The following SYT6 variants were observed in gnomAD, a reference collection of about 807,000 sequenced individuals.
SYT6 encodes the protein synaptotagmin-6.
In SYT6, 24 loss-of-function variants were observed where a neutral mutation model predicts 38.4. That is an observed-to-expected ratio of 0.62 (90% CI 0.45 to 0.88). The LOEUF is 0.88. Ranked by LOEUF, SYT6 falls within the 40% of genes least tolerant of loss-of-function variation. SYT6 has a pLI of 0.00. For synonymous variants in SYT6, 265 were observed against 241.9 expected (o/e 1.10, Z -0.89); for missense variants, 611 against 621.0 (o/e 0.98, Z 0.17).
intron 3 of SYT6, among the ~76,000 whole-genome samples, chr1:114,115,562 G>A (rs1397905592): frequency 6.6e-6 from 1 of 151,908 alleles, no homozygotes; most frequent in African/African-American, 2.4e-5. Flanking sequence ...GATTACAGGT[G>A]CATGCCACCA....
Position 114,137,723 on chromosome 1 carries a change from C to A in SYT6, c.843G>T (p.Leu281=). ...GGGTCTTGCGGTGCACCCGGGTCTG[C>A]AGCTTGCATTTGCGGTCAGGCAGGA... ...IYLLPDRKCK[L]QTRVHRKTLN... Residue 281 remains leucine, a synonymous_variant, in exon 3 of 8, where the codon CTG becomes CTT. Transcript: ENST00000610222. 6.2e-7 allele frequency: 1 copy of A among 1,613,920 alleles called. No homozygotes were observed. Among genetic ancestry groups the A allele is most frequent in the South Asian group, 1.1e-5 (1 of 91,066 alleles).
Position 114,103,601 on chromosome 1 carries a change from C to T in SYT6, c.1192G>A (p.Asp398Asn). 1.2e-6 allele frequency: 2 copies of T among 1,614,156 alleles called. No homozygotes were observed. The highest frequency in any genetic ancestry group is 1.7e-6 in the Non-Finnish European group (2 of 1,180,004). Residue 398 changes from aspartate (D) to asparagine (N), a missense_variant and splice_region_variant, in exon 4 of 8, where the codon GAT (aspartate) becomes AAT (asparagine). Physicochemically the swap from Asp to Asn is conservative, Grantham distance 23. Transcript: ENST00000610222. ...AGGCCACTTGGGTTAAGAGAGGTAC[C>T]TGAATAGCCTGTGATGTCCATCGCC... is the stretch of plus-strand genomic sequence containing the variant. ...LKAMDITGYSDPYVKVSLLCD... is the reference protein window; with the variant it reads ...LKAMDITGYSNPYVKVSLLCD...
intron 3 of SYT6, among the ~76,000 whole-genome samples, chr1:114,116,100 G>T (rs1207315258): frequency 6.6e-6 from 1 of 152,212 alleles, no homozygotes; most frequent in Non-Finnish European, 1.5e-5. Flanking sequence ...TCTCTTGAAA[G>T]AAGATGAATG....
intron 3 of SYT6, among the ~76,000 whole-genome samples, chr1:114,113,798 C>G (rs1407744511): frequency 6.6e-6 from 1 of 152,206 alleles, no homozygotes; most frequent in East Asian, 1.9e-4. Context: ...ATTCTCCACA[C>G]AGCAGCCAGA....
intron 1 of SYT6, among the ~76,000 whole-genome samples, chr1:114,147,726 C>A (rs967877940): frequency 3.3e-5 from 5 of 152,222 alleles, no homozygotes; most frequent in African/African-American, 1.2e-4. Context: ...AGTTATTTAA[C>A]CTGTCCAAAT....
chr1:114,119,645 C>A (rs1677253523), intron 3 of SYT6, among the ~76,000 whole-genome samples: 1 of 152,192 alleles, frequency 6.6e-6, no homozygotes, highest in Non-Finnish European at 1.5e-5. Flanking sequence ...CAGGGTCTAC[C>A]TCAGCCACCA....
intron 3 of SYT6, among the ~76,000 whole-genome samples, chr1:114,121,481 T>C (rs752067836): frequency 1.3e-5 from 2 of 152,196 alleles, no homozygotes; most frequent in Non-Finnish European, 2.9e-5. Flanking sequence ...CATTGTTTTC[T>C]AAGCAACAGG....
chr1:114,096,977 A>T (rs1379683349), intron 6 of SYT6, among the ~76,000 whole-genome samples: 4 of 152,190 alleles, frequency 2.6e-5, no homozygotes. Context: ...AGAATACAGG[A>T]TCCTAAGTCG....
chr1:114,116,342 C>G (rs545193148), intron 3 of SYT6, among the ~76,000 whole-genome samples: 3 of 152,138 alleles, frequency 2.0e-5, no homozygotes, highest in South Asian at 2.1e-4. Flanking sequence ...GTCCCCAACG[C>G]GGCAGTTCAG....
Position 114,134,797 on chromosome 1 carries a change from A to G in SYT6, c.1071+2698T>C, listed in dbSNP as rs138652373. Reference sequence around the variant, plus strand: ...GGGAATGGAATCAGACACATGGGAGAGATGGGAGCTGGCTGTTGGCTGCGC... The same window carrying G: ...GGGAATGGAATCAGACACATGGGAGGGATGGGAGCTGGCTGTTGGCTGCGC... On this transcript the variant is annotated intron_variant, in intron 3 of 7. Coordinates refer to ENST00000610222, the MANE Select transcript of SYT6 (RefSeq NM_001253772.2). Among the ~76,000 whole-genome samples the G allele has an allele frequency of 5.3e-5, 8 of 152,286 alleles. No homozygotes were observed. In the East Asian group the frequency reaches 1.5e-3, roughly 29 times the overall value.
rs184546708 is a variant in SYT6 at position 114,142,837 on chromosome 1, T to A, written c.164-2874A>T. Reference sequence around the variant, plus strand: ...AAGGCTCATTTTTAGCAATTTAGCATTTTTTAGCAATCAAGCTTTTAAAAT... The same window carrying A: ...AAGGCTCATTTTTAGCAATTTAGCAATTTTTAGCAATCAAGCTTTTAAAAT... On this transcript the variant is annotated intron_variant, in intron 1 of 7. Coordinates refer to ENST00000610222, the MANE Select transcript of SYT6 (RefSeq NM_001253772.2). Among the ~76,000 whole-genome samples, 33 of 152,298 alleles carry A rather than the reference T, an allele frequency of 2.2e-4. 1 individual carries two copies. The East Asian group carries it at 6.0e-3, about 28-fold the overall frequency.
intron 3 of SYT6, among the ~76,000 whole-genome samples, chr1:114,108,112 T>G (rs1307738443): frequency 6.6e-6 from 1 of 152,176 alleles, no homozygotes; most frequent in Non-Finnish European, 1.5e-5. Flanking sequence ...GTGGACCTGC[T>G]GGCAGGGGAG....
intron 3 of SYT6, among the ~76,000 whole-genome samples, chr1:114,119,089 G>A (rs1052935909): frequency 6.6e-6 from 1 of 152,206 alleles, no homozygotes; most frequent in Non-Finnish European, 1.5e-5. Flanking sequence ...TCCCAGCCAA[G>A]CCCCTTCTGC....
intron 3 of SYT6, among the ~76,000 whole-genome samples, chr1:114,123,563 G>A (rs1175851349): frequency 1.3e-5 from 2 of 152,110 alleles, no homozygotes; most frequent in African/African-American, 2.4e-5. Flanking sequence ...GGTGGCCAGG[G>A]TGGCTGAAGC....
chr1:114,145,507 T>A (rs1407153211), intron 1 of SYT6, among the ~76,000 whole-genome samples: 1 of 113,666 alleles, frequency 8.8e-6, no homozygotes, highest in South Asian at 3.3e-4. Context: ...ATTAAGTTTT[T>A]TTTTTTTTTT....
intron 3 of SYT6, among the ~76,000 whole-genome samples, chr1:114,127,545 C>T (rs1030576757): frequency 1.3e-5 from 2 of 152,206 alleles, no homozygotes; most frequent in Non-Finnish European, 2.9e-5. Flanking sequence ...GGACCCCTCC[C>T]TGCACCCTCC....
intron 3 of SYT6, among the ~76,000 whole-genome samples, chr1:114,118,136 T>C (rs1300228025): frequency 2.0e-5 from 3 of 152,072 alleles, no homozygotes; most frequent in African/African-American, 7.2e-5. Flanking sequence ...ATCCCAGAGA[T>C]TTCCCAGGAA....
intron 3 of SYT6, among the ~76,000 whole-genome samples, chr1:114,117,641 C>A (rs551156454): frequency 6.6e-6 from 1 of 152,222 alleles, no homozygotes; most frequent in African/African-American, 2.4e-5. Flanking sequence ...TACCCAGCAG[C>A]GCCTTCAATC....
intron 3 of SYT6, among the ~76,000 whole-genome samples, chr1:114,122,716 CT>C (rs1186046153): frequency 2.0e-4 from 30 of 152,178 alleles, no homozygotes; most frequent in Admixed American, 2.0e-3. Flanking sequence ...CTAAAAAGAG[CT>C]GGATGGCTGC....
Sources: allele counts gnomAD v4.1 joint callset (sites outside exome capture counted in the v4.1 genomes callset), GRCh38; gene constraint gnomAD v4.1.1; transcripts MANE v1.5; gene names NCBI Gene and HGNC (gene_info 2026-07-23, HGNC 2026-07-21).